The following PTPRD variants were observed in gnomAD, a reference collection of about 807,000 sequenced individuals.
PTPRD encodes protein tyrosine phosphatase receptor type D, also known as receptor-type tyrosine-protein phosphatase delta.
A neutral mutation model predicts 214.5 loss-of-function variants in PTPRD; 34 were observed. The ratio of observed to expected loss-of-function variants is 0.16; its 90% CI spans 0.12 to 0.21. PTPRD has a LOEUF of 0.21. Ranked by LOEUF, PTPRD falls within the 10% of genes least tolerant of loss-of-function variation. The pLI is 1.00. For missense variants in PTPRD, 2,545 were observed against 2,398.7 expected, an observed-to-expected ratio of 1.06 and a Z score of -1.27; for synonymous variants, 1,128 against 845.7, an observed-to-expected ratio of 1.33 and a Z score of -5.79.
In PTPRD at chr9:8,629,157, A is replaced by C. The variant is rs143619995; in HGVS notation, c.352+4160T>G. Among the ~76,000 whole-genome samples, 204 of 151,942 alleles carry C rather than the reference A, an allele frequency of 1.3e-3. 2 individuals are homozygous for C. Among genetic ancestry groups the C allele is most frequent in the African/African-American group, 4.8e-3 (198 of 41,532 alleles). ...TTCAAGAAACATGATGACATTTAGT[A>C]AGATGCTTAGATTCAAAGTTGATTA... On this transcript the variant is annotated intron_variant, in intron 14 of 45. Coordinates refer to ENST00000381196, the MANE Select transcript of PTPRD (RefSeq NM_002839.4).
At chr9:9,876,717 A>G (rs1016726983) in intron 5 of PTPRD, among the ~76,000 whole-genome samples, 1 of 152,172 alleles carries the variant, frequency 6.6e-6, no homozygotes, top group African/African-American at 2.4e-5. Context: ...TGCTTTATAC[A>G]AATTCTATGT....
chr9:8,805,574 T>C (rs916608348), intron 11 of PTPRD, among the ~76,000 whole-genome samples: 1 of 151,944 alleles, frequency 6.6e-6, no homozygotes, highest in South Asian at 2.1e-4. Context: ...TGCTATAATT[T>C]ACAGCTTACA....
chr9:9,705,989 G>A (rs966227094), intron 7 of PTPRD, among the ~76,000 whole-genome samples: 1 of 152,106 alleles, frequency 6.6e-6, no homozygotes, highest in African/African-American at 2.4e-5. Flanking sequence ...TTTGGGCAAT[G>A]TTTCCCTCAT....
chr9:8,478,622 T>G (rs1027561695), intron 30 of PTPRD, among the ~76,000 whole-genome samples: 5 of 152,190 alleles, frequency 3.3e-5, no homozygotes, highest in Non-Finnish European at 7.3e-5. Flanking sequence ...ACAGTAGCAC[T>G]GCTAGATCTG....
intron 41 of PTPRD, 37 bp downstream of exon 41, chr9:8,341,053 C>G (rs367946559): frequency 1.3e-6 from 2 of 1,524,574 alleles, no homozygotes; most frequent in South Asian, 2.7e-5. Flanking sequence ...ATGTAAATAT[C>G]AAGGCTTTGG....
At chr9:9,638,134 G>A (rs1056703356) in intron 7 of PTPRD, among the ~76,000 whole-genome samples, 17 of 152,100 alleles carry the variant, frequency 1.1e-4, no homozygotes, top group African/African-American at 4.1e-4. Flanking sequence ...TCAAACCTGT[G>A]ATTTTTTCCT....
At chr9:8,479,353 C>G (rs1038695125) in intron 30 of PTPRD, among the ~76,000 whole-genome samples, 4 of 152,136 alleles carry the variant, frequency 2.6e-5, no homozygotes, top group Non-Finnish European at 4.4e-5. Context: ...ATTTCTTCCC[C>G]AAAGTGGCTG....
At chr9:9,281,806 G>C (rs561054210) in intron 9 of PTPRD, among the ~76,000 whole-genome samples, 1 of 150,154 alleles carries the variant, frequency 6.7e-6, no homozygotes, top group East Asian at 2.0e-4. Flanking sequence ...ATGAATATTC[G>C]TAACAGCTTT....
At chr9:8,727,067 A>C (rs985503761) in intron 12 of PTPRD, among the ~76,000 whole-genome samples, 1 of 152,150 alleles carries the variant, frequency 6.6e-6, no homozygotes, top group African/African-American at 2.4e-5. Context: ...AGGGAATAAA[A>C]CCAGGAGATC....
intron 7 of PTPRD, among the ~76,000 whole-genome samples, chr9:9,626,083 A>T (rs2154356082): frequency 6.6e-6 from 1 of 152,346 alleles, no homozygotes; most frequent in African/African-American, 2.4e-5. Context: ...CAAAGAACTG[A>T]ATTAGGTCTA....
At chr9:9,676,870 T>C (rs2096941891) in intron 7 of PTPRD, among the ~76,000 whole-genome samples, 1 of 152,202 alleles carries the variant, frequency 6.6e-6, no homozygotes, top group Non-Finnish European at 1.5e-5. Flanking sequence ...ATTTCTCTGA[T>C]GGCCAGTGAT....
intron 12 of PTPRD, among the ~76,000 whole-genome samples, chr9:8,681,400 T>C (rs1596813607): frequency 1.3e-5 from 2 of 151,972 alleles, no homozygotes; most frequent in African/African-American, 4.8e-5. Flanking sequence ...TGGGTTACAG[T>C]TTTACATATT....
chr9:9,588,532 T>G (rs1243788086), intron 7 of PTPRD, among the ~76,000 whole-genome samples: 7 of 151,972 alleles, frequency 4.6e-5, no homozygotes, highest in African/African-American at 1.7e-4. Flanking sequence ...TAGTTTTTGA[T>G]TACTCAGACT....
intron 11 of PTPRD, among the ~76,000 whole-genome samples, chr9:8,743,118 G>GC (rs1215584203): frequency 6.7e-6 from 1 of 148,872 alleles, no homozygotes; most frequent in Non-Finnish European, 1.5e-5. Context: ...AAAAAAAGGG[G>GC]GGGGGGACTT....
At chr9:9,286,973 G>C (rs1179959836) in intron 9 of PTPRD, among the ~76,000 whole-genome samples, 1 of 136,120 alleles carries the variant, frequency 7.3e-6, no homozygotes, top group Non-Finnish European at 1.6e-5. Context: ...TGTCTGTAAT[G>C]CCAGCATTTG....
intron 4 of PTPRD, among the ~76,000 whole-genome samples, chr9:10,027,556 A>G (rs2096951041): frequency 6.6e-6 from 1 of 152,234 alleles, no homozygotes; most frequent in African/African-American, 2.4e-5. Flanking sequence ...AGGATAAGAG[A>G]AGAATATACA....
intron 10 of PTPRD, among the ~76,000 whole-genome samples, chr9:9,075,406 A>G (rs1370504619): frequency 6.6e-6 from 1 of 151,764 alleles, no homozygotes; most frequent in African/African-American, 2.4e-5. Context: ...CGATATCGGT[A>G]TTATTTATTT....
At chr9:9,654,489 T>C (rs1464432913) in intron 7 of PTPRD, among the ~76,000 whole-genome samples, 1 of 152,132 alleles carries the variant, frequency 6.6e-6, no homozygotes, top group African/African-American at 2.4e-5. Context: ...TTCATAATAA[T>C]GCCACATTTA....
chr9:8,436,882 G>A (rs567249613), intron 34 of PTPRD, among the ~76,000 whole-genome samples, 193 bp from the exon 35 acceptor site: 2 of 152,164 alleles, frequency 1.3e-5, no homozygotes, highest in Non-Finnish European at 2.9e-5. Context: ...GAATTTTGTA[G>A]CCAAATGAAA....
Sources: allele counts gnomAD v4.1 joint callset (sites outside exome capture counted in the v4.1 genomes callset), GRCh38; gene constraint gnomAD v4.1.1; transcripts MANE v1.5; gene names NCBI Gene and HGNC (gene_info 2026-07-23, HGNC 2026-07-21).